AGBL4: variants seen among roughly 807,000 people sequenced by gnomAD.
The protein encoded by AGBL4 is cytosolic carboxypeptidase 6.
A neutral mutation model predicts 66.4 loss-of-function variants in AGBL4; 58 were observed. The observed-to-expected ratio is 0.87, with a 90% CI of 0.71 to 1.09. The LOEUF is 1.09. AGBL4 is among the 50% of genes least tolerant of loss of function. The pLI is 0.00. For missense variants in AGBL4, 579 were observed against 631.0 expected, an observed-to-expected ratio of 0.92 and a Z score of 0.88; for synonymous variants, 234 against 222.9, an observed-to-expected ratio of 1.05 and a Z score of -0.44.
intron 3 of AGBL4, among the ~76,000 whole-genome samples, chr1:49,357,175 C>T (rs1644037560): frequency 6.6e-6 from 1 of 152,194 alleles, no homozygotes; most frequent in South Asian, 2.1e-4. Flanking sequence ...CTTTCTTTAT[C>T]TGTCAGGCTG....
At chr1:49,636,081 T>C (rs1645665990) in intron 3 of AGBL4, among the ~76,000 whole-genome samples, 1 of 152,110 alleles carries the variant, frequency 6.6e-6, no homozygotes. Context: ...AGACCTCTTA[T>C]CATACACGAA....
intron 6 of AGBL4, among the ~76,000 whole-genome samples, chr1:48,848,222 C>T (rs1161707125): frequency 6.6e-6 from 1 of 152,218 alleles, no homozygotes; most frequent in Non-Finnish European, 1.5e-5. Context: ...CACATCATGT[C>T]AGTTTCCTTT....
At position 48,736,785 on chromosome 1, in the gene AGBL4, G is replaced by C. The variant is rs1649124875; in HGVS notation, c.635-73544C>G. Reference sequence around the variant, plus strand: ...CATCATTCAACTAGTAAGTGGCAGAGTTGATATTCTACACTATACTTAGTT... The same window carrying C: ...CATCATTCAACTAGTAAGTGGCAGACTTGATATTCTACACTATACTTAGTT... On this transcript the variant is annotated intron_variant, in intron 6 of 13. Transcript: ENST00000371839. This position sits in a 1 kb window ranked among gnomAD's most constrained non-coding sequence, Gnocchi z 4.0. Among the ~76,000 whole-genome samples, 1 of 152,174 alleles carries C rather than the reference G, an allele frequency of 6.6e-6. No homozygotes were observed. Among genetic ancestry groups the C allele is most frequent in the East Asian group, 1.9e-4 (1 of 5,194 alleles).
At chr1:49,541,430 G>A (rs1250621340) in intron 3 of AGBL4, among the ~76,000 whole-genome samples, 1 of 152,216 alleles carries the variant, frequency 6.6e-6, no homozygotes, top group African/African-American at 2.4e-5. Context: ...ACTAGGAGCA[G>A]TCAGCAGGTG....
chr1:49,948,177 T>C (rs1444859456), intron 1 of AGBL4, among the ~76,000 whole-genome samples: 2 of 100,596 alleles, frequency 2.0e-5, no homozygotes, highest in East Asian at 3.1e-4. Flanking sequence ...TAAATATATA[T>C]AACTATATAT....
intron 1 of AGBL4, among the ~76,000 whole-genome samples, chr1:49,907,889 A>G (rs1159173686): frequency 6.6e-6 from 1 of 151,878 alleles, no homozygotes; most frequent in African/African-American, 2.4e-5. Flanking sequence ...TGGAGAGGCT[A>G]TGTACATGTG....
intron 1 of AGBL4, among the ~76,000 whole-genome samples, chr1:50,018,191 G>T (rs1662136550): frequency 6.6e-6 from 1 of 151,942 alleles, no homozygotes; most frequent in African/African-American, 2.4e-5. Context: ...TTTTCCTTCA[G>T]ATGACATGAA....
intron 3 of AGBL4, among the ~76,000 whole-genome samples, chr1:49,299,615 A>G (rs1390938605): frequency 1.3e-5 from 2 of 152,190 alleles, no homozygotes; most frequent in African/African-American, 4.8e-5. Context: ...TCCAAACTGT[A>G]TACCTTGTAT....
chr1:48,559,052 G>A (rs1035471878), intron 11 of AGBL4, among the ~76,000 whole-genome samples: 9 of 152,180 alleles, frequency 5.9e-5, no homozygotes, highest in African/African-American at 9.6e-5. Context: ...TTCTTATACC[G>A]GGATAGGGTC....
chr1:49,874,368 T>G (rs1030437433), intron 1 of AGBL4, among the ~76,000 whole-genome samples: 3 of 152,092 alleles, frequency 2.0e-5, no homozygotes, highest in African/African-American at 4.8e-5. Context: ...AGGGAACTTC[T>G]TAGGGTAATG....
chr1:49,550,725 C>T (rs1321654586), intron 3 of AGBL4, among the ~76,000 whole-genome samples: 3 of 152,168 alleles, frequency 2.0e-5, no homozygotes, highest in Non-Finnish European at 4.4e-5. Flanking sequence ...TGTCTCACAG[C>T]TCTTAAGATT....
intron 4 of AGBL4, among the ~76,000 whole-genome samples, chr1:49,090,106 A>G (rs913234195): frequency 2.0e-5 from 3 of 152,176 alleles, no homozygotes; most frequent in African/African-American, 7.2e-5. Context: ...AATGACATCC[A>G]TCTATGACAA....
intron 6 of AGBL4, among the ~76,000 whole-genome samples, chr1:48,842,842 A>G (rs1646834924): frequency 6.6e-6 from 1 of 152,176 alleles, no homozygotes; most frequent in African/African-American, 2.4e-5. Context: ...CAGCTTTAAA[A>G]AGGAAGAAAA....
At chr1:49,842,240 G>A in intron 2 of AGBL4, 1 of 445,424 alleles carries the variant, frequency 2.2e-6, no homozygotes, top group Non-Finnish European at 4.4e-6. Context: ...TGCCCAGAGG[G>A]CCCTGTACTA....
At chr1:49,623,793 T>C (rs912278434) in intron 3 of AGBL4, among the ~76,000 whole-genome samples, 3 of 152,210 alleles carry the variant, frequency 2.0e-5, no homozygotes, top group Non-Finnish European at 2.9e-5. Context: ...CTACCACTTT[T>C]AAACACCATA....
At chr1:49,049,731 T>C (rs1371272224) in intron 4 of AGBL4, among the ~76,000 whole-genome samples, 3 of 152,074 alleles carry the variant, frequency 2.0e-5, no homozygotes, top group African/African-American at 7.2e-5. Flanking sequence ...ATACAAGTAT[T>C]AGAAGCTTTA....
intron 9 of AGBL4, among the ~76,000 whole-genome samples, chr1:48,626,286 G>A (rs754660529): frequency 1.1e-4 from 16 of 152,056 alleles, no homozygotes; most frequent in South Asian, 2.1e-4. Flanking sequence ...ATCCTTCCTC[G>A]CCTTTAGAAA....
At position 49,234,308 on chromosome 1, in the gene AGBL4, G is replaced by GA. The variant is rs1263018637; in HGVS notation, c.377+11461dup. Among the ~76,000 whole-genome samples, 12 of 152,298 alleles carry GA rather than the reference G, an allele frequency of 7.9e-5. No homozygotes were observed. In the East Asian group the frequency reaches 2.3e-3, roughly 29 times the overall value. On this transcript the variant is annotated intron_variant, in intron 4 of 13. Coordinates refer to ENST00000371839, the MANE Select transcript of AGBL4 (RefSeq NM_032785.4). ...GGAAAATCTGACACAGCATTGCACTGACAGGAGGAAGGTCTGTATATGGGC... is the reference window on the plus strand; with the variant it reads ...GGAAAATCTGACACAGCATTGCACTGAACAGGAGGAAGGTCTGTATATGGGC...
At chr1:49,916,521 G>A (rs1392401163) in intron 1 of AGBL4, among the ~76,000 whole-genome samples, 2 of 152,060 alleles carry the variant, frequency 1.3e-5, no homozygotes, top group East Asian at 1.9e-4. Flanking sequence ...AAGTGACAAG[G>A]GAAGTCTAGA....
Sources: allele counts gnomAD v4.1 joint callset (sites outside exome capture counted in the v4.1 genomes callset), GRCh38; gene constraint gnomAD v4.1.1; non-coding constraint Gnocchi (gnomAD v3.1); transcripts MANE v1.5; gene names NCBI Gene and HGNC (gene_info 2026-07-23, HGNC 2026-07-21).